Variants in CRHR2 observed in about 807,000 individuals in gnomAD.
The protein encoded by CRHR2 is corticotropin releasing hormone receptor 2.
In CRHR2, 53 loss-of-function variants were observed where a neutral mutation model predicts 57.9. That is an observed-to-expected ratio of 0.92 (90% CI 0.73 to 1.15). The LOEUF is 1.15. Ranked by LOEUF, CRHR2 falls within the 50% of genes most tolerant of loss-of-function variation. The pLI, the probability that CRHR2 is intolerant of heterozygous loss-of-function variation, is 0.00. For synonymous variants in CRHR2, 213 were observed against 220.9 expected (o/e 0.96, Z 0.32); for missense variants, 532 against 542.6 (o/e 0.98, Z 0.19).
At chr7:30,664,543 A>T (rs929377) in intron 5 of CRHR2, among the ~76,000 whole-genome samples, 83,845 of 152,034 alleles carry the variant, frequency 0.55, 26,260 homozygotes, top group Non-Finnish European at 0.7. Context: ...GGGCACCTGA[A>T]TCCACAAGAT....
chr7:30,658,068 C>T (rs955624452), intron 8 of CRHR2, among the ~76,000 whole-genome samples: 1 of 152,210 alleles, frequency 6.6e-6, no homozygotes, highest in African/African-American at 2.4e-5. Flanking sequence ...CCACTCATCT[C>T]AGCTTGGGTC....
chr7:30,688,887 A>T, intron 2 of CRHR2: 1 of 523,656 alleles, frequency 1.9e-6, no homozygotes, highest in East Asian at 4.8e-5. Context: ...GGAGTTGGAA[A>T]GCTGAGGGGT....
Position 30,655,001 on chromosome 7 carries a change from T to TGGATATCCCAGGCCACCCCGAGGGCCC in CRHR2, c.1095+11_1095+37dup. On this transcript the variant is annotated intron_variant, in intron 11 of 11. Transcript: ENST00000471646. Reference sequence around the variant, plus strand: ...TGCCCTGGAGTGGGGTCTGAGGACCTGGATATCCCAGGCCACCCCGAGGGC... The same window carrying TGGATATCCCAGGCCACCCCGAGGGCCC: ...TGCCCTGGAGTGGGGTCTGAGGACCTGGATATCCCAGGCCACCCCGAGGGCCCGGATATCCCAGGCCACCCCGAGGGC... The TGGATATCCCAGGCCACCCCGAGGGCCC allele has an allele frequency of 1.7e-5, 28 of 1,607,316 alleles. 1 individual carries two copies. Among genetic ancestry groups the TGGATATCCCAGGCCACCCCGAGGGCCC allele is most frequent in the Non-Finnish European group, 2.4e-5 (28 of 1,176,556 alleles).
chr7:30,668,904 G>A (rs77205865), intron 2 of CRHR2, among the ~76,000 whole-genome samples: 13 of 152,120 alleles, frequency 8.5e-5, no homozygotes, highest in African/African-American at 1.7e-4. Context: ...TAGCCATGGC[G>A]CCCAACTCCC....
intron 6 of CRHR2, 138 bp from the exon 7 acceptor site, chr7:30,662,354 G>A: frequency 3.0e-6 from 3 of 988,866 alleles, no homozygotes; most frequent in Admixed American, 2.1e-5. Flanking sequence ...CCCCAGGGGT[G>A]CCCTGTCCCT....
At chr7:30,686,290 C>T, upstream of CRHR2, 1 of 1,370,060 alleles carries the variant, frequency 7.3e-7, no homozygotes, top group East Asian at 2.6e-5. Context: ...CCCATGCCTC[C>T]CCAAGGGCAG....
chr7:30,662,288 T>C, intron 6 of CRHR2, 72 bp from the exon 7 acceptor site: 1 of 1,543,042 alleles, frequency 6.5e-7, no homozygotes, highest in Non-Finnish European at 9.0e-7. Flanking sequence ...TACCGTGGGG[T>C]ACCACAACAG....
At position 30,662,779 on chromosome 7, in the gene CRHR2, C is replaced by T. The variant is rs759100974; in HGVS notation, c.612G>A (p.Val204=). 1.2e-6 allele frequency: 2 copies of T among 1,614,098 alleles called. No homozygotes were observed. Among genetic ancestry groups the T allele is most frequent in the East Asian group, 4.5e-5 (2 of 44,892 alleles). Residue 204 remains valine (V), a synonymous_variant, in exon 6 of 12, where the codon GTG becomes GTA. Transcript: ENST00000471646. ...FVVTNFFWMF[V]EGCYLHTAIV... ...TGGCCGTGTGCAGGTAGCAGCCTTCCACAAACATCCAGAAGAAGTTGGTCA... is the reference window on the plus strand; with the variant it reads ...TGGCCGTGTGCAGGTAGCAGCCTTCTACAAACATCCAGAAGAAGTTGGTCA...
intron 3 of CRHR2, among the ~76,000 whole-genome samples, chr7:30,666,901 A>C (rs1784203539): frequency 1.3e-5 from 2 of 152,242 alleles, no homozygotes; most frequent in South Asian, 4.1e-4. Flanking sequence ...TGAGGCCCAG[A>C]GGGAGAGGAA....
At chr7:30,661,902 G>C (rs1426514577) in intron 7 of CRHR2, among the ~76,000 whole-genome samples, 1 of 152,154 alleles carries the variant, frequency 6.6e-6, no homozygotes, top group Non-Finnish European at 1.5e-5. Context: ...GACCAAAGGG[G>C]TCATGCGTTG....
intron 6 of CRHR2, 30 bp from the exon 7 acceptor site, chr7:30,662,246 G>A (rs1784031996): frequency 6.2e-7 from 1 of 1,611,372 alleles, no homozygotes; most frequent in South Asian, 1.1e-5. Context: ...GGGCTGCAGG[G>A]GACAGATGGA....
exon 2 of CRHR2, chr7:30,689,250 G>C (rs983122097): frequency 1.3e-6 from 2 of 1,550,502 alleles, no homozygotes; most frequent in Non-Finnish European, 1.7e-6. Flanking sequence ...TGCCCACAGG[G>C]GCTGGTCTTT....
intron 10 of CRHR2, 31 bp downstream of exon 10, chr7:30,655,549 T>A (rs1490449189): frequency 1.3e-6 from 2 of 1,596,284 alleles, no homozygotes; most frequent in East Asian, 4.5e-5. Context: ...GAAAGCTCAC[T>A]GTGGGGCCCC....
Position 30,665,127 on chromosome 7 carries a change from T to G in CRHR2, c.486A>C (p.Arg162=), listed in dbSNP as rs1726688684. The change falls in exon 5 of 12, where the codon CGA becomes CGC. Residue 162 remains arginine, a synonymous_variant. Transcript: ENST00000471646. This position sits in a 1 kb window ranked among gnomAD's most constrained non-coding sequence, Gnocchi z 4.5. The part of the protein sequence containing the change: ...HWNLITTFIL[R]NVMWFLLQLV... ...GCTGCAGCAGGAACCACATGACATTTCGCAGGATAAAGGTGGTGATGAGGT... is the reference window on the plus strand; with the variant it reads ...GCTGCAGCAGGAACCACATGACATTGCGCAGGATAAAGGTGGTGATGAGGT... The G allele has an allele frequency of 5.6e-6, 9 of 1,613,970 alleles. No individual in the cohort carries two copies. Among genetic ancestry groups the G allele is most frequent in the African/African-American group, 2.7e-5 (2 of 74,904 alleles).
chr7:30,684,906 G>A (rs1784824702), upstream of CRHR2, among the ~76,000 whole-genome samples: 1 of 152,196 alleles, frequency 6.6e-6, no homozygotes, highest in South Asian at 2.1e-4. Flanking sequence ...AAAGACAGGG[G>A]CATTTTTGCT....
rs1225436803 is a variant in CRHR2 at position 30,653,358 on chromosome 7, C to T, written c.*102G>A. 3 of 1,490,624 alleles carry T rather than the reference C, an allele frequency of 2.0e-6. No individual in the cohort carries two copies. The highest frequency in any genetic ancestry group is 1.8e-4 in the Middle Eastern group (1 of 5,552). The allele number at this position is 1,490,624 out of a possible 1,614,324, so 92.3% of individuals were successfully genotyped here. ...CTGCCAGGCTGGAGAGCTGGTCTCTCCCCTCCCATCTCCTGCCCCACGAGA... is the reference window on the plus strand; with the variant it reads ...CTGCCAGGCTGGAGAGCTGGTCTCTTCCCTCCCATCTCCTGCCCCACGAGA... On this transcript the variant is annotated 3_prime_UTR_variant, in exon 12 of 12. Coordinates refer to ENST00000471646, the MANE Select transcript of CRHR2 (RefSeq NM_001883.5). The surrounding 1 kb of genome is among the most constrained non-coding windows in gnomAD (Gnocchi z 5.0).
At chr7:30,699,888 TG>T (rs2128153012) in intron 1 of CRHR2, 2 of 1,407,632 alleles carry the variant, frequency 1.4e-6, no homozygotes, top group East Asian at 5.8e-5. Context: ...TCATGAGAGC[TG>T]GGAGCTCCGT....
intron 1 of CRHR2, among the ~76,000 whole-genome samples, chr7:30,690,979 C>A (rs539717012): frequency 6.6e-6 from 1 of 152,276 alleles, no homozygotes; most frequent in East Asian, 1.9e-4. Flanking sequence ...ACACTGGGGG[C>A]CATGGTCTTG....
intron 2 of CRHR2, among the ~76,000 whole-genome samples, chr7:30,674,652 G>A (rs1426507923): frequency 6.6e-6 from 1 of 152,176 alleles, no homozygotes; most frequent in Admixed American, 6.5e-5. Context: ...CTCCAGGGGG[G>A]CAAGGGGCTG....
Sources: allele counts gnomAD v4.1 joint callset (sites outside exome capture counted in the v4.1 genomes callset), GRCh38; gene constraint gnomAD v4.1.1; non-coding constraint Gnocchi (gnomAD v3.1); transcripts MANE v1.5; gene names NCBI Gene and HGNC (gene_info 2026-07-23, HGNC 2026-07-21).